The following GALNT14 variants were observed in gnomAD, a reference collection of about 807,000 sequenced individuals.
The protein encoded by GALNT14 is UDP-GalNAc:polypeptide N-acetylgalactosaminyltransferase 14.
GALNT14 carries 60 observed loss-of-function variants against 77.5 expected under a neutral mutation model. That is an observed-to-expected ratio of 0.77 (90% CI 0.63 to 0.96). GALNT14 has a LOEUF of 0.96. Among genes scored for constraint, GALNT14 ranks in the 40% least tolerant of loss-of-function variants. GALNT14 has a pLI of 0.00. For missense variants in GALNT14, 710 were observed against 731.0 expected, an observed-to-expected ratio of 0.97 and a Z score of 0.33; for synonymous variants, 280 against 281.7, an observed-to-expected ratio of 0.99 and a Z score of 0.06.
intron 1 of GALNT14, among the ~76,000 whole-genome samples, chr2:31,064,788 G>A (rs1674831698): frequency 6.6e-6 from 1 of 151,926 alleles, no homozygotes; most frequent in African/African-American, 2.4e-5. Flanking sequence ...AATCCAATAG[G>A]GGAAGGTGAA....
At chr2:30,946,355 G>A (rs1027095115) in intron 6 of GALNT14, among the ~76,000 whole-genome samples, 1 of 152,190 alleles carries the variant, frequency 6.6e-6, no homozygotes, top group African/African-American at 2.4e-5. Flanking sequence ...CATAAGGGTG[G>A]ATTTCTCATG....
At position 31,085,138 on chromosome 2, in the gene GALNT14, C is replaced by T. The variant is rs1676363929; in HGVS notation, c.129+52820G>A. Among the ~76,000 whole-genome samples the T allele has an allele frequency of 2.6e-5, 4 of 152,150 alleles. No homozygotes were observed. In the South Asian group the frequency reaches 8.3e-4, roughly 32 times the overall value. On this transcript the variant is annotated intron_variant, in intron 1 of 14. Coordinates refer to ENST00000349752, the MANE Select transcript of GALNT14 (RefSeq NM_024572.4). ...ACATTTGCTAAGCTGCCAGGTAAAG[C>T]CAAATGAAAGCTATCTGACTCCCCC... is the stretch of plus-strand genomic sequence containing the variant.
In GALNT14 at chr2:30,910,794, G is replaced by A; in HGVS notation, c.*107C>T. On this transcript the variant is annotated 3_prime_UTR_variant, in exon 15 of 15. Coordinates refer to ENST00000349752, the MANE Select transcript of GALNT14 (RefSeq NM_024572.4). ...TGGGGGGCTCTGCCTCCACCTCCCA[G>A]TCCAGGATGTCTGAGGTGGTTGCAG... The A allele has an allele frequency of 3.2e-6, 4 of 1,262,654 alleles. No homozygotes were observed. Among genetic ancestry groups the A allele is most frequent in the South Asian group, 1.4e-5 (1 of 70,976 alleles). 78.2% of individuals were successfully genotyped at this position (1,262,654 alleles called of 1,614,324 possible). A position where few individuals can be genotyped will look rare whatever the true frequency, so the allele number is the denominator to read the frequency against.
At chr2:30,936,428 G>C (rs1439493938) in intron 9 of GALNT14, among the ~76,000 whole-genome samples, 2 of 152,144 alleles carry the variant, frequency 1.3e-5, no homozygotes, top group Non-Finnish European at 2.9e-5. Flanking sequence ...AAGGCAAAGA[G>C]AATTATTACA....
At chr2:30,902,317 C>A in the GALNT14 span, among the ~76,000 whole-genome samples, 5 of 152,170 alleles carry the variant, frequency 3.3e-5, no homozygotes, top group African/African-American at 1.2e-4. Flanking sequence ...GATAACTCTG[C>A]ACAGTTGTAG....
intron 2 of GALNT14, among the ~76,000 whole-genome samples, chr2:30,984,697 G>A (rs1669189074): frequency 6.6e-6 from 1 of 151,990 alleles, no homozygotes; most frequent in South Asian, 2.1e-4. Flanking sequence ...CTACTACCTG[G>A]TAAAATCCTA....
At chr2:30,958,540 G>T in intron 3 of GALNT14, 76 bp from the exon 4 acceptor site, 2 of 1,106,854 alleles carry the variant, frequency 1.8e-6, no homozygotes, top group Admixed American at 1.8e-5. Flanking sequence ...GTTTTAAATA[G>T]ATACCATTGC....
chr2:30,915,419 T>C (rs1300561915), intron 13 of GALNT14, among the ~76,000 whole-genome samples: 5 of 152,198 alleles, frequency 3.3e-5, no homozygotes, highest in Non-Finnish European at 5.9e-5. Context: ...TTTCCTGGCA[T>C]TTCAATAACT....
At chr2:31,130,360 T>C (rs1432108063) in intron 1 of GALNT14, among the ~76,000 whole-genome samples, 1 of 152,024 alleles carries the variant, frequency 6.6e-6, no homozygotes, top group Non-Finnish European at 1.5e-5. Context: ...TGCAGGGAAG[T>C]GTTGGGCTTC....
At chr2:31,068,144 A>G (rs7570822) in intron 1 of GALNT14, among the ~76,000 whole-genome samples, 94,388 of 151,972 alleles carry the variant, frequency 0.62, 30,293 homozygotes, top group African/African-American at 0.79. Context: ...AGACCAGCAG[A>G]CCCCTATGTT....
chr2:30,964,592 G>T (rs1355442211), intron 3 of GALNT14, among the ~76,000 whole-genome samples: 1 of 152,162 alleles, frequency 6.6e-6, no homozygotes, highest in Non-Finnish European at 1.5e-5. Flanking sequence ...GGCTCTTGGG[G>T]TGATTACAGA....
rs140230237 is a variant in GALNT14, at chr2:30,972,785, G to A, written c.300-6483C>T. On this transcript the variant is annotated intron_variant, in intron 2 of 14. Transcript: ENST00000349752. ...TTCTACTGAGCTCTGGAAACCAGCA[G>A]GTACAGCGACCTGTCCAGGAGGGAG... Among the ~76,000 whole-genome samples the A allele has an allele frequency of 2.9e-3, 438 of 152,306 alleles. 1 individual carries two copies. Among genetic ancestry groups the A allele is most frequent in the African/African-American group, 0.01 (423 of 41,568 alleles).
At chr2:31,017,796 C>T (rs371435356) in intron 1 of GALNT14, among the ~76,000 whole-genome samples, 1 of 152,140 alleles carries the variant, frequency 6.6e-6, no homozygotes, top group Non-Finnish European at 1.5e-5. Flanking sequence ...TAAAAGGCAA[C>T]CAATTTAAAA....
chr2:30,905,925 G>T (rs1445964818), downstream of GALNT14, among the ~76,000 whole-genome samples: 12 of 152,154 alleles, frequency 7.9e-5, no homozygotes, highest in African/African-American at 2.7e-4. Flanking sequence ...TTAAAGAAAA[G>T]AATTTTCAAC....
rs58889124 is a variant in GALNT14, at chr2:30,944,343, C to T, written c.827+515G>A. On this transcript the variant is annotated intron_variant, in intron 8 of 14. Coordinates refer to ENST00000349752, the MANE Select transcript of GALNT14 (RefSeq NM_024572.4). ...GAGAGAATGTGGGTCAGTACAAAGC[C>T]ACCCACAGCCTGGCAAAGAGCCAGA... Among the ~76,000 whole-genome samples, 7 of 152,344 alleles carry T rather than the reference C, an allele frequency of 4.6e-5. No individual in the cohort carries two copies. In the East Asian group the frequency reaches 9.6e-4, roughly 21 times the overall value.
At position 30,958,342 on chromosome 2, in the gene GALNT14, G is replaced by C. The variant is rs901264864; in HGVS notation, c.466+55C>G. Reference sequence around the variant, plus strand: ...AGTGGACTCACCTCTGCCTGTTACAGAGTGGCTGGGAACAGACATTCGTGT... The same window carrying C: ...AGTGGACTCACCTCTGCCTGTTACACAGTGGCTGGGAACAGACATTCGTGT... On this transcript the variant is annotated intron_variant, in intron 4 of 14. Coordinates refer to ENST00000349752, the MANE Select transcript of GALNT14 (RefSeq NM_024572.4). 9 of 1,473,484 alleles carry C rather than the reference G, an allele frequency of 6.1e-6. No individual in the cohort carries two copies. The East Asian group carries it at 1.6e-4, about 26-fold the overall frequency. The allele number at this position is 1,473,484 out of a possible 1,614,324, so 91.3% of individuals were successfully genotyped here. A position where few individuals can be genotyped will look rare whatever the true frequency, so the allele number is the denominator to read the frequency against.
rs1677560897 is a variant in GALNT14 at position 31,106,339 on chromosome 2, G to C, written c.129+31619C>G. Among the ~76,000 whole-genome samples, 4 of 152,036 alleles carry C rather than the reference G, an allele frequency of 2.6e-5. No homozygotes were observed. In the South Asian group the frequency reaches 8.3e-4, roughly 32 times the overall value. ...GTTTTCTTTCAAGAACTAAAATTAT[G>C]CTTCTGCTGGCTCTCCACTGCCTGT... On this transcript the variant is annotated intron_variant, in intron 1 of 14. Coordinates refer to ENST00000349752, the MANE Select transcript of GALNT14 (RefSeq NM_024572.4).
rs1229826903 is a variant in GALNT14 at position 31,070,647 on chromosome 2, T to C, written c.129+67311A>G. ...CAAGGGCAATGCTGTGAACTGCACT[T>C]CCAATTTTAATGCAAAATCTTGCCT... On this transcript the variant is annotated intron_variant, in intron 1 of 14. Coordinates refer to ENST00000349752, the MANE Select transcript of GALNT14 (RefSeq NM_024572.4). 6.6e-5 allele frequency among the ~76,000 whole-genome samples: 10 copies of C among 152,332 alleles called. No homozygotes were observed. In the East Asian group the frequency reaches 1.9e-3, roughly 29 times the overall value.
chr2:31,107,877 C>T (rs1176972947), intron 1 of GALNT14, among the ~76,000 whole-genome samples: 2 of 152,140 alleles, frequency 1.3e-5, no homozygotes, highest in Non-Finnish European at 2.9e-5. Flanking sequence ...TCCCCTAAAG[C>T]TTGAGGGCTG....
Sources: allele counts gnomAD v4.1 joint callset (sites outside exome capture counted in the v4.1 genomes callset), GRCh38; gene constraint gnomAD v4.1.1; transcripts MANE v1.5; gene names NCBI Gene and HGNC (gene_info 2026-07-23, HGNC 2026-07-21).